MOGAT1: variants seen among roughly 807,000 people sequenced by gnomAD.
MOGAT1 encodes the protein monoacylglycerol O-acyltransferase 1, also known as 2-acylglycerol O-acyltransferase 1.
A neutral mutation model predicts 31.4 loss-of-function variants in MOGAT1; 32 were observed. The ratio of observed to expected loss-of-function variants is 1.02; its 90% CI spans 0.77 to 1.37. MOGAT1 has a LOEUF of 1.37. MOGAT1 is among the 40% of genes most tolerant of loss of function. The probability of loss-of-function intolerance (pLI) is 0.00; values close to 1 mark genes in which losing one functional copy is unlikely to be tolerated. For synonymous variants in MOGAT1, 145 were observed against 144.5 expected (o/e 1.00, Z -0.03); for missense variants, 426 against 402.0 (o/e 1.06, Z -0.51).
At chr2:222,699,717 C>T (rs1692892290) in intron 5 of MOGAT1, among the ~76,000 whole-genome samples, 1 of 151,940 alleles carries the variant, frequency 6.6e-6, no homozygotes, top group East Asian at 1.9e-4. Context: ...CCAGGATGGT[C>T]TTGATCTCCT....
At chr2:222,700,905 C>T (rs6436329) in intron 5 of MOGAT1, among the ~76,000 whole-genome samples, 46,789 of 152,088 alleles carry the variant, frequency 0.31, 7,532 homozygotes, top group Middle Eastern at 0.36. Flanking sequence ...AGGAAGGATT[C>T]AGGCAACATC....
intron 5 of MOGAT1, among the ~76,000 whole-genome samples, chr2:222,701,596 A>ACAAGAGAAAGAAAGGGAGGG: frequency 7.2e-6 from 1 of 138,978 alleles, no homozygotes; most frequent in East Asian, 2.1e-4. Context: ...GAAAGAAAGA[A>ACAAGAGAAAGAAAGGGAGGG]AGGGAGGGAG....
intron 1 of MOGAT1, among the ~76,000 whole-genome samples, chr2:222,677,301 C>T (rs1692512863): frequency 6.6e-6 from 1 of 152,152 alleles, no homozygotes; most frequent in East Asian, 1.9e-4. Context: ...TACTTATTGG[C>T]TGGGCACAAT....
At position 222,671,737 on chromosome 2, in the gene MOGAT1, G is replaced by A. The variant is rs1265495784; in HGVS notation, c.-49G>A. The A allele has an allele frequency of 6.8e-7, 1 of 1,472,740 alleles. No homozygotes were observed. The highest frequency in any genetic ancestry group is 2.5e-5 in the East Asian group (1 of 40,438). 91.2% of individuals were successfully genotyped at this position (1,472,740 alleles called of 1,614,324 possible). A position where few individuals can be genotyped will look rare whatever the true frequency, so the allele number is the denominator to read the frequency against. ...CACTTCCCACAGGCGCCGCAGAGCA[G>A]CGTGGGTGCAGGCTGCAGTGGCTGG... is the stretch of plus-strand genomic sequence containing the variant. On this transcript the variant is annotated 5_prime_UTR_variant, in exon 1 of 6. Coordinates refer to ENST00000446656, the MANE Select transcript of MOGAT1 (RefSeq NM_058165.3).
intron 1 of MOGAT1, among the ~76,000 whole-genome samples, chr2:222,680,463 A>C (rs1947132): frequency 0.44 from 66,521 of 151,576 alleles, 17,162 homozygotes; most frequent in African/African-American, 0.73. Context: ...TAGAATAAAC[A>C]CACATATGAA....
rs1693083991 is a variant in MOGAT1 at position 222,709,728 on chromosome 2, A to T, written c.854-8A>T. ...TTCCTCACGTATGATGTATTCCCTG[A>T]TTTGCAGTTGGCCGCCCGATCCCTG... On this transcript the variant is annotated splice_polypyrimidine_tract_variant and splice_region_variant and intron_variant, in intron 5 of 5. Coordinates refer to ENST00000446656, the MANE Select transcript of MOGAT1 (RefSeq NM_058165.3). 1 of 1,611,732 alleles carries T rather than the reference A, an allele frequency of 6.2e-7. No individual in the cohort carries two copies. The highest frequency in any genetic ancestry group is 1.1e-5 in the South Asian group (1 of 90,812).
intron 1 of MOGAT1, among the ~76,000 whole-genome samples, chr2:222,672,555 T>G (rs1692434208): frequency 6.6e-6 from 1 of 152,186 alleles, no homozygotes; most frequent in South Asian, 2.1e-4. Context: ...GGGTGGTTTT[T>G]CTTTTTGTTT....
chr2:222,689,602 A>G, intron 3 of MOGAT1, 133 bp downstream of exon 3: 3 of 787,172 alleles, frequency 3.8e-6, no homozygotes, highest in Non-Finnish European at 4.1e-6. Context: ...GGCACTTCCT[A>G]TGGTGTCTGG....
intron 5 of MOGAT1, among the ~76,000 whole-genome samples, chr2:222,703,220 A>G (rs768421273): frequency 1.3e-5 from 2 of 152,198 alleles, no homozygotes; most frequent in African/African-American, 4.8e-5. Flanking sequence ...GGAAGATAAG[A>G]GTTATTTTAA....
At chr2:222,691,657 C>A (rs1215622782) in intron 3 of MOGAT1, among the ~76,000 whole-genome samples, 1 of 152,152 alleles carries the variant, frequency 6.6e-6, no homozygotes, top group East Asian at 1.9e-4. Context: ...TTCCCAGAAC[C>A]AGCTTCCTAG....
rs765788014 is a variant in MOGAT1, at chr2:222,695,263, C to G, written c.828C>G (p.Thr276=). The stretch of plus-strand genomic sequence containing the variant: ...TTCAGTACAATTTTGGCCTAATGAC[C>G]TATAGGAAAGCCATCCACACTGTTG... ...GVFQYNFGLM[T]YRKAIHTVVG... is the part of the protein sequence containing the mutation. The change falls in exon 5 of 6, where the codon ACC becomes ACG. Residue 276 remains threonine (T), a synonymous_variant. Transcript: ENST00000446656. 4.3e-6 allele frequency: 7 copies of G among 1,612,622 alleles called. No homozygotes were observed. The highest frequency in any genetic ancestry group is 5.9e-6 in the Non-Finnish European group (7 of 1,179,200).
chr2:222,672,975 G>A lies in MOGAT1; in HGVS notation c.94+1096G>A, dbSNP rs553423452. On this transcript the variant is annotated intron_variant, in intron 1 of 5. Coordinates refer to ENST00000446656, the MANE Select transcript of MOGAT1 (RefSeq NM_058165.3). ...GTTGCCCACGCTGGAGTGCAGTGGC[G>A]CCATCTCGGCTCACCACAACCTCCG... Among the ~76,000 whole-genome samples, 11 of 150,530 alleles carry A rather than the reference G, an allele frequency of 7.3e-5. No individual in the cohort carries two copies. The South Asian group carries it at 1.9e-3, about 26-fold the overall frequency.
rs1165886288 is a variant in MOGAT1 at position 222,689,305 on chromosome 2, T to C, written c.314T>C (p.Ile105Thr). 1 of 1,614,004 alleles carries C rather than the reference T, an allele frequency of 6.2e-7. No homozygotes were observed. Among genetic ancestry groups the C allele is most frequent in the Middle Eastern group, 1.6e-4 (1 of 6,062 alleles). ...TQDLDPSHNY[I>T]FGFHPHGIMA... Reference sequence around the variant, plus strand: ...GATTTGGATCCAAGTCACAACTATATATTTGGGTTTCACCCCCATGGAATA... The same window carrying C: ...GATTTGGATCCAAGTCACAACTATACATTTGGGTTTCACCCCCATGGAATA... Residue 105 changes from isoleucine (I) to threonine (T), a missense_variant, in exon 3 of 6, where the codon ATA becomes ACA. Physicochemically the swap from Ile to Thr is moderately conservative, Grantham distance 89. Transcript: ENST00000446656.
intron 1 of MOGAT1, among the ~76,000 whole-genome samples, chr2:222,685,186 G>C (rs897777075): frequency 6.6e-6 from 1 of 152,298 alleles, no homozygotes. Context: ...AATTTTTGTT[G>C]AGTGACAGGA....
chr2:222,696,888 A>C (rs1692844909), intron 5 of MOGAT1, among the ~76,000 whole-genome samples: 1 of 151,930 alleles, frequency 6.6e-6, no homozygotes, highest in Non-Finnish European at 1.5e-5. Context: ...AAAATTTTAA[A>C]AATTAGCGGG....
At position 222,688,428 on chromosome 2, in the gene MOGAT1, TTGAC is replaced by T. The variant is rs1450689044; in HGVS notation, c.182_185del (p.Asp61GlyfsTer52). 2 of 1,613,664 alleles carry T rather than the reference TTGAC, an allele frequency of 1.2e-6. No individual in the cohort carries two copies. The highest frequency in any genetic ancestry group is 1.3e-5 in the African/African-American group (1 of 74,916). On this transcript the variant is annotated frameshift_variant, in exon 2 of 6. Coordinates refer to ENST00000446656, the MANE Select transcript of MOGAT1 (RefSeq NM_058165.3). LOFTEE classifies it high-confidence loss of function. ...ATCCCTTATTTGATGTGGCTTTACTTTGACTGGCATACCCCAGAGCGAGGAGGCA... is the reference window on the plus strand; with the variant it reads ...ATCCCTTATTTGATGTGGCTTTACTTTGGCATACCCCAGAGCGAGGAGGCA...
intron 5 of MOGAT1, among the ~76,000 whole-genome samples, chr2:222,699,658 G>A (rs935368627): frequency 7.2e-4 from 109 of 151,848 alleles, no homozygotes; most frequent in Non-Finnish European, 9.6e-4. Flanking sequence ...CACCATGCCC[G>A]GCTACTTTGT....
At chr2:222,675,142 G>T (rs866324019) in intron 1 of MOGAT1, among the ~76,000 whole-genome samples, 98 of 152,244 alleles carry the variant, frequency 6.4e-4, no homozygotes, top group African/African-American at 2.2e-3. Flanking sequence ...CACTTTGTGA[G>T]TTTGTCTGCT....
chr2:222,682,149 C>T (rs1157929002), intron 1 of MOGAT1, among the ~76,000 whole-genome samples: 1 of 152,174 alleles, frequency 6.6e-6, no homozygotes, highest in Admixed American at 6.5e-5. Context: ...CGTGTGCACA[C>T]ACACACTTTG....
Sources: allele counts gnomAD v4.1 joint callset (sites outside exome capture counted in the v4.1 genomes callset), GRCh38; gene constraint gnomAD v4.1.1; transcripts MANE v1.5; gene names NCBI Gene and HGNC (gene_info 2026-07-23, HGNC 2026-07-21).